The following SIK2 variants were observed in gnomAD, a reference collection of about 807,000 sequenced individuals.
SIK2 encodes salt inducible kinase 2.
SIK2 carries 29 observed loss-of-function variants against 103.2 expected under a neutral mutation model. The ratio of observed to expected loss-of-function variants is 0.28; its 90% CI spans 0.21 to 0.38. The LOEUF is 0.38. Ranked by LOEUF, SIK2 falls within the 10% of genes least tolerant of loss-of-function variation. SIK2 has a pLI of 1.00. For synonymous variants in SIK2, 412 were observed against 446.1 expected (o/e 0.92, Z 0.96); for missense variants, 879 against 1,171.0 (o/e 0.75, Z 3.64).
intron 1 of SIK2, among the ~76,000 whole-genome samples, chr11:111,605,683 A>C (rs1941640632): frequency 6.6e-6 from 1 of 152,172 alleles, no homozygotes; most frequent in Non-Finnish European, 1.5e-5. Context: ...TTTATTTTTA[A>C]CTGGTTCTTC....
intron 1 of SIK2, among the ~76,000 whole-genome samples, chr11:111,614,620 TGAG>T (rs1249631421): frequency 6.6e-6 from 1 of 152,150 alleles, no homozygotes; most frequent in East Asian, 1.9e-4. Context: ...TTGAGTGGGC[TGAG>T]GAGGAGGAGA....
At chr11:111,612,287 G>A (rs1941737475) in intron 1 of SIK2, among the ~76,000 whole-genome samples, 2 of 152,244 alleles carry the variant, frequency 1.3e-5, no homozygotes, top group South Asian at 4.2e-4. Context: ...ACAGAATTGG[G>A]AAATAAATGA....
chr11:111,694,292 G>GT (rs1943019368), intron 4 of SIK2, among the ~76,000 whole-genome samples: 1 of 152,152 alleles, frequency 6.6e-6, no homozygotes, highest in South Asian at 2.1e-4. Context: ...ACCAAGGAAA[G>GT]TTTTTCACAT....
Position 111,727,181 on chromosome 11 carries a change from G to A in SIK2, c.*3052G>A. 3.9e-6 allele frequency: 3 copies of A among 770,148 alleles called. No individual in the cohort carries two copies. The South Asian group carries it at 4.8e-5, about 12-fold the overall frequency. The allele number at this position is 770,148 out of a possible 1,614,324, so 47.7% of individuals were successfully genotyped here. On this transcript the variant is annotated 3_prime_UTR_variant, in exon 15 of 15. Coordinates refer to ENST00000304987, the MANE Select transcript of SIK2 (RefSeq NM_015191.3). ...GCCTGCACTGCCTTCTGTCACCGTG[G>A]GAAAAGGAGGCTGATGGTTCTCTAC...
chr11:111,625,864 C>T (rs1478903881), intron 3 of SIK2, among the ~76,000 whole-genome samples: 1 of 152,108 alleles, frequency 6.6e-6, no homozygotes, highest in African/African-American at 2.4e-5. Flanking sequence ...TAAGCCTTTG[C>T]CCATTGGAAC....
At chr11:111,707,261 G>A (rs1943374618) in intron 8 of SIK2, among the ~76,000 whole-genome samples, 1 of 152,210 alleles carries the variant, frequency 6.6e-6, no homozygotes, top group Admixed American at 6.5e-5. Flanking sequence ...GTGAGGGAGT[G>A]GTGAGGGGTT....
intron 3 of SIK2, among the ~76,000 whole-genome samples, chr11:111,627,881 T>C (rs1306632444): frequency 6.6e-6 from 1 of 152,236 alleles, no homozygotes; most frequent in Non-Finnish European, 1.5e-5. Context: ...GTTTCCCCAG[T>C]CATCACCCTG....
chr11:111,617,001 A>G (rs957585916), intron 2 of SIK2, among the ~76,000 whole-genome samples: 1 of 152,224 alleles, frequency 6.6e-6, no homozygotes, highest in Non-Finnish European at 1.5e-5. Context: ...ATACTTTGTC[A>G]TACATAGGAC....
chr11:111,713,054 A>T (rs961009164), intron 9 of SIK2, among the ~76,000 whole-genome samples: 3 of 152,126 alleles, frequency 2.0e-5, no homozygotes, highest in African/African-American at 7.2e-5. Context: ...AATCTGAGCT[A>T]CTCAGGAGGC....
intron 3 of SIK2, among the ~76,000 whole-genome samples, chr11:111,658,064 T>C (rs975377163): frequency 3.3e-5 from 5 of 151,060 alleles, no homozygotes; most frequent in African/African-American, 1.2e-4. Context: ...ATGATTTTAA[T>C]TTACTTATTT....
At chr11:111,684,140 C>T (rs1393879827) in intron 3 of SIK2, among the ~76,000 whole-genome samples, 1 of 152,176 alleles carries the variant, frequency 6.6e-6, no homozygotes, top group African/African-American at 2.4e-5. Context: ...TACATGGTAA[C>T]TTTAGATTCA....
At chr11:111,628,434 C>A (rs952163492) in intron 3 of SIK2, among the ~76,000 whole-genome samples, 3 of 147,920 alleles carry the variant, frequency 2.0e-5, no homozygotes, top group African/African-American at 7.3e-5. Flanking sequence ...TTCTTTCTTT[C>A]TTTCTTTCTT....
intron 3 of SIK2, among the ~76,000 whole-genome samples, chr11:111,624,442 A>G (rs1378852827): frequency 6.6e-6 from 1 of 152,164 alleles, no homozygotes; most frequent in Non-Finnish European, 1.5e-5. Flanking sequence ...CGGCTATACC[A>G]TATTAATTGT....
intron 3 of SIK2, among the ~76,000 whole-genome samples, chr11:111,630,796 A>G (rs747831268): frequency 6.6e-6 from 1 of 152,200 alleles, no homozygotes; most frequent in Non-Finnish European, 1.5e-5. Context: ...ACTGGAAGCT[A>G]CAACCAGATT....
Position 111,727,197 on chromosome 11 carries a change from G to T in SIK2, c.*3068G>T. 1 of 701,760 alleles carries T rather than the reference G, an allele frequency of 1.4e-6. No individual in the cohort carries two copies. Among genetic ancestry groups the T allele is most frequent in the Non-Finnish European group, 2.5e-6 (1 of 400,166 alleles). 43.5% of individuals were successfully genotyped at this position (701,760 alleles called of 1,614,324 possible). ...GTCACCGTGGGAAAAGGAGGCTGAT[G>T]GTTCTCTACACCATCCACCTTGAGA... On this transcript the variant is annotated 3_prime_UTR_variant, in exon 15 of 15. Transcript: ENST00000304987.
intron 8 of SIK2, among the ~76,000 whole-genome samples, chr11:111,709,527 G>A (rs1335558529): frequency 1.3e-5 from 2 of 152,196 alleles, no homozygotes; most frequent in African/African-American, 4.8e-5. Context: ...TAAACATGTG[G>A]TCTAAAGAGT....
intron 3 of SIK2, among the ~76,000 whole-genome samples, chr11:111,638,090 A>T (rs1045825733): frequency 6.6e-5 from 10 of 152,150 alleles, no homozygotes; most frequent in African/African-American, 1.9e-4. Flanking sequence ...CAATGTTTGT[A>T]TCTTTACACT....
At chr11:111,678,156 C>A (rs920533133) in intron 3 of SIK2, among the ~76,000 whole-genome samples, 3 of 152,146 alleles carry the variant, frequency 2.0e-5, no homozygotes, top group African/African-American at 7.2e-5. Flanking sequence ...ATGCTTTTCT[C>A]CCAGTTGAAA....
At chr11:111,618,662 A>C (rs1191762932) in intron 2 of SIK2, among the ~76,000 whole-genome samples, 1 of 152,144 alleles carries the variant, frequency 6.6e-6, no homozygotes, top group Non-Finnish European at 1.5e-5. Flanking sequence ...TAACACAGAG[A>C]TCCCATCTCT....
Sources: gnomAD v4.1 joint callset for allele counts (sites outside exome capture counted in the v4.1 genomes callset) on GRCh38, gnomAD v4.1.1 for gene constraint, MANE v1.5 for transcripts, NCBI Gene and HGNC (gene_info 2026-07-23, HGNC 2026-07-21) for gene names.